Variants in GRHL2 observed in about 807,000 individuals in gnomAD.
GRHL2 encodes grainyhead-like protein 2 homolog.
A neutral mutation model predicts 83.8 loss-of-function variants in GRHL2; 21 were observed. The ratio of observed to expected loss-of-function variants is 0.25; its 90% CI spans 0.18 to 0.36. The LOEUF (loss-of-function observed/expected upper bound fraction) is 0.36. GRHL2 is among the 10% of genes least tolerant of loss of function. The pLI, the probability that GRHL2 is intolerant of heterozygous loss-of-function variation, is 1.00. For synonymous variants in GRHL2, 280 were observed against 278.9 expected (o/e 1.00, Z -0.04); for missense variants, 623 against 781.8 (o/e 0.80, Z 2.42).
intron 8 of GRHL2, among the ~76,000 whole-genome samples, chr8:101,604,939 T>A (rs1812599472): frequency 6.6e-6 from 1 of 152,182 alleles, no homozygotes; most frequent in Non-Finnish European, 1.5e-5. Flanking sequence ...AGCAGACTGA[T>A]TACTTTCCTG....
chr8:101,612,196 G>A (rs1812763715), intron 8 of GRHL2, among the ~76,000 whole-genome samples: 1 of 150,826 alleles, frequency 6.6e-6, no homozygotes, highest in Non-Finnish European at 1.5e-5. Flanking sequence ...CACCATGTTG[G>A]CCAGGTTAGT....
rs898419893 is a variant in GRHL2 at position 101,492,488 on chromosome 8, T to C, written c.-282T>C. On this transcript the variant is annotated 5_prime_UTR_variant, in exon 1 of 16. Coordinates refer to ENST00000646743, the MANE Select transcript of GRHL2 (RefSeq NM_024915.4). ...AGTCCGCCACTTTCTGCTCTGTGTC[T>C]GCCCATTGCCACGATCCAGGAGGAC... 3 of 569,966 alleles carry C rather than the reference T, an allele frequency of 5.3e-6. No individual in the cohort carries two copies. Among genetic ancestry groups the C allele is most frequent in the Non-Finnish European group, 9.4e-6 (3 of 318,210 alleles). The allele number at this position is 569,966 out of a possible 1,614,324, so 35.3% of individuals were successfully genotyped here.
At chr8:101,644,306 A>G in intron 13 of GRHL2, 81 bp downstream of exon 13, 1 of 1,107,670 alleles carries the variant, frequency 9.0e-7, no homozygotes, top group Non-Finnish European at 1.3e-6. Context: ...CCTCTTGCCC[A>G]GGCCCCCATG....
In GRHL2 at chr8:101,531,766, G is replaced by A. The variant is rs962605226; in HGVS notation, c.21-11475G>A. On this transcript the variant is annotated intron_variant, in intron 1 of 15. Coordinates refer to ENST00000646743, the MANE Select transcript of GRHL2 (RefSeq NM_024915.4). ...TATTTCCAATCCTTTTACTTAATAGGTGAAGTAAGAGCATGCTTAGGGCAC... is the reference window on the plus strand; with the variant it reads ...TATTTCCAATCCTTTTACTTAATAGATGAAGTAAGAGCATGCTTAGGGCAC... 4.0e-5 allele frequency among the ~76,000 whole-genome samples: 6 copies of A among 151,788 alleles called. No homozygotes were observed. The East Asian group carries it at 1.2e-3, about 29-fold the overall frequency.
intron 4 of GRHL2, among the ~76,000 whole-genome samples, chr8:101,568,279 C>T (rs998101608): frequency 4.6e-5 from 7 of 152,240 alleles, no homozygotes; most frequent in Non-Finnish European, 5.9e-5. Flanking sequence ...CAAGTCCCTG[C>T]TAAATAACCA....
chr8:101,513,435 C>T (rs145494788), intron 1 of GRHL2, among the ~76,000 whole-genome samples: 178 of 149,088 alleles, frequency 1.2e-3, no homozygotes, highest in Non-Finnish European at 2.1e-3. Context: ...GTAACTGACA[C>T]GGGTCTCCTC....
intron 1 of GRHL2, among the ~76,000 whole-genome samples, chr8:101,517,174 A>G (rs745389371): frequency 1.3e-5 from 2 of 152,156 alleles, no homozygotes; most frequent in Non-Finnish European, 2.9e-5. Context: ...GAAGCTGGGG[A>G]TACTGGAGCC....
At chr8:101,586,165 C>T (rs1586121059) in intron 7 of GRHL2, among the ~76,000 whole-genome samples, 2 of 149,488 alleles carry the variant, frequency 1.3e-5, no homozygotes, top group South Asian at 2.1e-4. Flanking sequence ...CTGCAAGCTC[C>T]GCTTCCCGGG....
At chr8:101,657,504 C>A (rs909718460) in intron 14 of GRHL2, among the ~76,000 whole-genome samples, 2 of 152,096 alleles carry the variant, frequency 1.3e-5, no homozygotes, top group Non-Finnish European at 2.9e-5. Context: ...TTATAAAATG[C>A]ACTTTTTATA....
At chr8:101,588,335 C>T (rs914967392) in intron 7 of GRHL2, among the ~76,000 whole-genome samples, 2 of 152,180 alleles carry the variant, frequency 1.3e-5, no homozygotes, top group Non-Finnish European at 2.9e-5. Flanking sequence ...ACTCAAAATC[C>T]TATTTTGACA....
At chr8:101,527,266 A>G (rs1206592472) in intron 1 of GRHL2, among the ~76,000 whole-genome samples, 1 of 152,194 alleles carries the variant, frequency 6.6e-6, no homozygotes, top group African/African-American at 2.4e-5. Context: ...TAATAAGCAT[A>G]AACTTATCTT....
chr8:101,583,519 A>T (rs1812098851), intron 7 of GRHL2, among the ~76,000 whole-genome samples: 1 of 152,144 alleles, frequency 6.6e-6, no homozygotes, highest in Non-Finnish European at 1.5e-5. Context: ...GAGGGAGTGG[A>T]GGTTGGCCAG....
chr8:101,528,428 A>ATT (rs35634695), intron 1 of GRHL2, among the ~76,000 whole-genome samples: 2 of 143,808 alleles, frequency 1.4e-5, no homozygotes. Context: ...CTCTTTTCAG[A>ATT]TTTTTTTTTT....
chr8:101,580,789 C>T (rs151149447), intron 7 of GRHL2, among the ~76,000 whole-genome samples: 23,808 of 152,060 alleles, frequency 0.16, 2,257 homozygotes, highest in South Asian at 0.27. Context: ...CTGCAGCCTC[C>T]GACTCCCTGG....
chr8:101,568,377 G>C (rs913133009), intron 4 of GRHL2, among the ~76,000 whole-genome samples: 1 of 152,090 alleles, frequency 6.6e-6, no homozygotes, highest in Non-Finnish European at 1.5e-5. Context: ...CCCTTGCTTG[G>C]GTTACTTTCT....
Position 101,529,241 on chromosome 8 carries a change from T to TGGC in GRHL2, c.21-13999_21-13997dup, listed in dbSNP as rs373974161. The TGGC allele has an allele frequency of 1.5e-4, 33 of 219,734 alleles. No homozygotes were observed. In the East Asian group the frequency reaches 4.4e-3, roughly 29 times the overall value. 13.6% of individuals were successfully genotyped at this position (219,734 alleles called of 1,614,324 possible). A position where few individuals can be genotyped will look rare whatever the true frequency, so the allele number is the denominator to read the frequency against. On this transcript the variant is annotated intron_variant, in intron 1 of 15. Coordinates refer to ENST00000646743, the MANE Select transcript of GRHL2 (RefSeq NM_024915.4). Reference sequence around the variant, plus strand: ...TGAGGTCAGGAGTTCGAGACCAGCCTGGCCAACATAGTGAAACCCCATCTC... The same window carrying TGGC: ...TGAGGTCAGGAGTTCGAGACCAGCCTGGCGGCCAACATAGTGAAACCCCATCTC...
At chr8:101,566,873 G>GT (rs1811730687) in intron 4 of GRHL2, among the ~76,000 whole-genome samples, 1 of 151,456 alleles carries the variant, frequency 6.6e-6, no homozygotes. Context: ...TTTGATTAGC[G>GT]TTTTTTCCTA....
chr8:101,553,821 T>TTTCA (rs140574020), intron 3 of GRHL2, among the ~76,000 whole-genome samples: 4,018 of 151,822 alleles, frequency 0.026, 174 homozygotes, highest in African/African-American at 0.091. Flanking sequence ...AGAGACAGAG[T>TTTCA]TTCACTATAT....
At chr8:101,652,619 T>TGGTGG (rs1813697420) in intron 14 of GRHL2, among the ~76,000 whole-genome samples, 1 of 135,006 alleles carries the variant, frequency 7.4e-6, no homozygotes, top group Non-Finnish European at 1.6e-5. Context: ...GTGTGGTGTG[T>TGGTGG]GTGTGTGTGT....
Sources: allele counts gnomAD v4.1 joint callset (sites outside exome capture counted in the v4.1 genomes callset), GRCh38; gene constraint gnomAD v4.1.1; transcripts MANE v1.5; gene names NCBI Gene and HGNC (gene_info 2026-07-23, HGNC 2026-07-21).